ZFPM2: variants seen among roughly 807,000 people sequenced by gnomAD.
The protein encoded by ZFPM2 is zinc finger protein ZFPM2.
A neutral mutation model predicts 98.6 loss-of-function variants in ZFPM2; 20 were observed. The ratio of observed to expected loss-of-function variants is 0.20; its 90% confidence interval spans 0.14 to 0.29. ZFPM2 has a LOEUF of 0.29. Ranked by LOEUF, ZFPM2 falls within the 10% of genes least tolerant of loss-of-function variation. ZFPM2 has a pLI of 1.00. For missense variants in ZFPM2, 1,310 were observed against 1,388.6 expected (o/e 0.94, Z 0.90); for synonymous variants, 518 against 502.7 (o/e 1.03, Z -0.41).
At chr8:105,631,387 C>CA (rs1378442525) in intron 4 of ZFPM2, among the ~76,000 whole-genome samples, 1 of 152,106 alleles carries the variant, frequency 6.6e-6, no homozygotes, top group Non-Finnish European at 1.5e-5. Context: ...TTCTACATAG[C>CA]AAAAAGAGTG....
chr8:105,606,077 C>G (rs1816190689), intron 4 of ZFPM2, among the ~76,000 whole-genome samples: 1 of 152,050 alleles, frequency 6.6e-6, no homozygotes, highest in Admixed American at 6.6e-5. Context: ...AGGATAGCTT[C>G]TTTTTAAAAT....
At chr8:105,562,809 A>C (rs1184990689) in intron 4 of ZFPM2, among the ~76,000 whole-genome samples, 1 of 152,132 alleles carries the variant, frequency 6.6e-6, no homozygotes, top group African/African-American at 2.4e-5. Context: ...TAACACTCTC[A>C]ATTCCATTTG....
intron 3 of ZFPM2, among the ~76,000 whole-genome samples, chr8:105,464,653 T>A (rs144260051): frequency 2.6e-5 from 4 of 152,014 alleles, no homozygotes; most frequent in African/African-American, 9.6e-5. Flanking sequence ...TGGGGTGGAT[T>A]ATAGAAATCC....
chr8:105,790,443 A>G (rs1472803750), intron 6 of ZFPM2, among the ~76,000 whole-genome samples: 3 of 151,968 alleles, frequency 2.0e-5, no homozygotes, highest in African/African-American at 7.2e-5. Context: ...TGTTCCATTG[A>G]TCTATATCTA....
At position 105,329,355 on chromosome 8, in the gene ZFPM2, A is replaced by G. The variant is rs58792827; in HGVS notation, c.40+10374A>G. Among the ~76,000 whole-genome samples, 474 of 151,936 alleles carry G rather than the reference A, an allele frequency of 3.1e-3. 1 individual carries two copies. The highest frequency in any genetic ancestry group is 0.01 in the African/African-American group (433 of 41,494). On this transcript the variant is annotated intron_variant, in intron 1 of 7. Coordinates refer to ENST00000407775, the MANE Select transcript of ZFPM2 (RefSeq NM_012082.4). ...CTTTCTCTTTTAGGTCCAGGTCCTA[A>G]CATTTGATAGTCATTTAAAGGCATG...
chr8:105,546,198 C>T (rs746048181), intron 3 of ZFPM2, among the ~76,000 whole-genome samples: 3 of 152,034 alleles, frequency 2.0e-5, no homozygotes, highest in East Asian at 1.9e-4. Context: ...TGGCTAATTG[C>T]GATTATCAAG....
intron 5 of ZFPM2, among the ~76,000 whole-genome samples, chr8:105,751,143 C>T: frequency 6.6e-6 from 1 of 152,070 alleles, no homozygotes; most frequent in Non-Finnish European, 1.5e-5. Flanking sequence ...ATGCAGACTA[C>T]TTTAAACATT....
chr8:105,572,033 C>CTTTTTTTTTTTT (rs869198147), intron 4 of ZFPM2, among the ~76,000 whole-genome samples: 1 of 103,372 alleles, frequency 9.7e-6, no homozygotes, highest in Non-Finnish European at 1.9e-5. Flanking sequence ...GGGTAAATTT[C>CTTTTTTTTTTTT]TTTTTTTTTT....
chr8:105,710,092 C>CTTTT (rs367622436), intron 5 of ZFPM2, among the ~76,000 whole-genome samples: 9 of 143,096 alleles, frequency 6.3e-5, no homozygotes, highest in African/African-American at 1.3e-4. Flanking sequence ...TAGTCTGATC[C>CTTTT]TTTTTTTTTT....
chr8:105,654,276 G>A (rs1279914946), intron 5 of ZFPM2, among the ~76,000 whole-genome samples: 1 of 151,650 alleles, frequency 6.6e-6, no homozygotes, highest in Non-Finnish European at 1.5e-5. Context: ...CCCCATCCAC[G>A]AGAAAACAGA....
chr8:105,643,833 C>G (rs939360420), intron 5 of ZFPM2, among the ~76,000 whole-genome samples: 6 of 152,232 alleles, frequency 3.9e-5, no homozygotes, highest in Middle Eastern at 3.4e-3. Flanking sequence ...TGGTAGCACA[C>G]GTAATGCTCC....
At chr8:105,597,662 C>T (rs1318164457) in intron 4 of ZFPM2, among the ~76,000 whole-genome samples, 1 of 152,046 alleles carries the variant, frequency 6.6e-6, no homozygotes, top group African/African-American at 2.4e-5. Context: ...TGATAGGCTG[C>T]TATCAACCCA....
Position 105,801,080 on chromosome 8 carries a change from C to A in ZFPM2, c.998C>A (p.Ala333Asp), listed in dbSNP as rs746539312. The change falls in exon 8 of 8, where the codon GCT becomes GAT. Residue 333 changes from alanine (A) to aspartate (D), a missense_variant. By Grantham distance (126) the Ala-to-Asp change is moderately radical. Coordinates refer to ENST00000407775, the MANE Select transcript of ZFPM2 (RefSeq NM_012082.4). The part of the protein sequence containing the change: ...VKMEEFLPPG[A>D]SLKCTVCSYT... ...ATGGAAGAATTCCTGCCCCCTGGTG[C>A]TAGTCTAAAATGCACCGTCTGTAGC... The A allele has an allele frequency of 5.0e-6, 8 of 1,613,536 alleles. No individual in the cohort carries two copies. The African/African-American group carries it at 1.1e-4, about 22-fold the overall frequency.
At chr8:105,453,406 A>C (rs1474215446) in intron 3 of ZFPM2, among the ~76,000 whole-genome samples, 1 of 152,192 alleles carries the variant, frequency 6.6e-6, no homozygotes, top group African/African-American at 2.4e-5. Flanking sequence ...GTCTGGTAGA[A>C]AGAGATTCAG....
At chr8:105,709,770 C>A (rs1187839674) in intron 5 of ZFPM2, among the ~76,000 whole-genome samples, 2 of 151,890 alleles carry the variant, frequency 1.3e-5, no homozygotes, top group African/African-American at 4.8e-5. Flanking sequence ...TAGTCTGATA[C>A]CTGAAAAAGA....
intron 2 of ZFPM2, among the ~76,000 whole-genome samples, chr8:105,441,274 C>T (rs1391160768): frequency 1.3e-5 from 2 of 151,676 alleles, no homozygotes; most frequent in Non-Finnish European, 2.9e-5. Flanking sequence ...AAGGGACTGT[C>T]ATTTTCTGTA....
chr8:105,343,473 A>G (rs1812465061), intron 1 of ZFPM2, among the ~76,000 whole-genome samples: 3 of 152,130 alleles, frequency 2.0e-5, no homozygotes, highest in Admixed American at 2.0e-4. Context: ...AATGAGAGCT[A>G]TATTCGGATA....
chr8:105,616,761 T>A, intron 4 of ZFPM2: 1 of 294,146 alleles, frequency 3.4e-6, no homozygotes, highest in Non-Finnish European at 6.7e-6. Context: ...CTCATGCCTG[T>A]AATCCCAGCA....
chr8:105,547,557 A>G (rs1158748267), intron 3 of ZFPM2, among the ~76,000 whole-genome samples: 1 of 150,568 alleles, frequency 6.6e-6, no homozygotes, highest in Non-Finnish European at 1.5e-5. Context: ...AAAAAAAAAA[A>G]AAAAAAAAAA....
Sources: allele counts gnomAD v4.1 joint callset (sites outside exome capture counted in the v4.1 genomes callset), GRCh38; gene constraint gnomAD v4.1.1; transcripts MANE v1.5; gene names NCBI Gene and HGNC (gene_info 2026-07-23, HGNC 2026-07-21).